ALG9: variants seen among roughly 807,000 people sequenced by gnomAD.
ALG9 encodes the protein ALG9 alpha-1,2-mannosyltransferase, also known as alpha-1,2-mannosyltransferase ALG9.
Under a neutral mutation model 81.8 loss-of-function variants are expected in ALG9, and 55 were observed. That is an observed-to-expected ratio of 0.67 (90% CI 0.54 to 0.84). The LOEUF is 0.84. Ranked by LOEUF, ALG9 falls within the 40% of genes least tolerant of loss-of-function variation. The pLI, the probability that ALG9 is intolerant of heterozygous loss-of-function variation, is 0.00. For missense variants in ALG9, 629 were observed against 745.0 expected (o/e 0.84, Z 1.81); for synonymous variants, 278 against 274.3 (o/e 1.01, Z -0.13).
intron 1 of ALG9, chr11:111,870,814 T>G: frequency 9.9e-7 from 1 of 1,007,916 alleles, no homozygotes; most frequent in African/African-American, 1.7e-5. Context: ...TTCTTTCTTT[T>G]CTTAACAAGG....
intron 13 of ALG9, among the ~76,000 whole-genome samples, chr11:111,821,181 C>T (rs1193994544): frequency 6.6e-6 from 1 of 152,026 alleles, no homozygotes; most frequent in Non-Finnish European, 1.5e-5. Context: ...TATTTTTTTC[C>T]TATAAGGTCC....
chr11:111,780,433 G>A (rs1393190437), downstream of ALG9, among the ~76,000 whole-genome samples: 4 of 147,112 alleles, frequency 2.7e-5, no homozygotes, highest in African/African-American at 5.0e-5. Context: ...GTCTTGCTCC[G>A]TCACCCAGGT....
rs1285072714 is a variant in ALG9, at chr11:111,853,396, A to C, written c.879T>G (p.His293Gln). 3.1e-6 allele frequency: 5 copies of C among 1,613,752 alleles called. 1 individual carries two copies. The South Asian group carries it at 4.4e-5, about 14-fold the overall frequency. Reference protein sequence around the residue: ...NIVLYNVFTPHGPDLYGTEPW... With the variant: ...NIVLYNVFTPQGPDLYGTEPW... ...AAGCCTTACCATAAAGATCAGGTCC[A>C]TGAGGAGTAAAGACATTATACAAAA... The change falls in exon 8 of 15, where the codon CAT becomes CAG. Residue 293 changes from histidine (H) to glutamine (Q), a missense_variant. By Grantham distance (24) the His-to-Gln change is conservative. This residue lies in a region of ALG9 where 344 missense variants were observed against 390.5 expected (regional missense o/e 0.88). Transcript: ENST00000616540.
At chr11:111,837,353 A>T in intron 12 of ALG9, 115 bp downstream of exon 12, 3 of 1,242,742 alleles carry the variant, frequency 2.4e-6, no homozygotes, top group South Asian at 1.3e-5. Context: ...CGTGGTAGAT[A>T]ATTCAATAAC....
chr11:111,863,814 C>T (rs564421189), intron 4 of ALG9, among the ~76,000 whole-genome samples: 1 of 152,224 alleles, frequency 6.6e-6, no homozygotes, highest in South Asian at 2.1e-4. Flanking sequence ...ATCAACTAAG[C>T]TGTAGGGCAG....
chr11:111,831,289 CCTCGGCCTCCCAA>C (rs1454121749), intron 13 of ALG9, among the ~76,000 whole-genome samples: 1 of 152,156 alleles, frequency 6.6e-6, no homozygotes, highest in Non-Finnish European at 1.5e-5. Context: ...GATCCTCCCA[CCTCGGCCTCCCAA>C]AGTGCTGAGA....
At chr11:111,768,868 TATG>T in the ALG9 span, 1 of 152,464 alleles carries the variant, frequency 6.6e-6, no homozygotes, top group Non-Finnish European at 1.5e-5. Flanking sequence ...TGTGTGTGTG[TATG>T]GAGACAGAGT....
chr11:111,787,357 C>T (rs957276969), intron 14 of ALG9, among the ~76,000 whole-genome samples: 5 of 152,004 alleles, frequency 3.3e-5, no homozygotes, highest in Non-Finnish European at 7.4e-5. Context: ...TGCTTGAACC[C>T]GGGAGGTGGA....
intron 11 of ALG9, 28 bp downstream of exon 11, chr11:111,838,221 T>C: frequency 6.2e-7 from 1 of 1,613,304 alleles, no homozygotes; most frequent in Non-Finnish European, 8.5e-7. Flanking sequence ...CTCGTCAGTG[T>C]AGGTTAAGAT....
At chr11:111,772,869 C>G in the ALG9 span, among the ~76,000 whole-genome samples, 1 of 152,128 alleles carries the variant, frequency 6.6e-6, no homozygotes, top group East Asian at 1.9e-4. Context: ...GAGCTTTTAC[C>G]TCTCAGACTT....
intron 14 of ALG9, among the ~76,000 whole-genome samples, chr11:111,790,612 T>C (rs1278893621): frequency 1.3e-5 from 2 of 152,184 alleles, no homozygotes; most frequent in Non-Finnish European, 2.9e-5. Flanking sequence ...ACCAGAAGAT[T>C]TGCATCTAGA....
chr11:111,870,146 CT>C, intron 2 of ALG9, 85 bp downstream of exon 2: 2 of 1,403,686 alleles, frequency 1.4e-6, no homozygotes, highest in South Asian at 2.7e-5. Context: ...AGGAGTCACA[CT>C]TGTATATTAT....
At chr11:111,861,492 TAG>T (rs1960110390) in intron 4 of ALG9, among the ~76,000 whole-genome samples, 1 of 151,966 alleles carries the variant, frequency 6.6e-6, no homozygotes, top group Admixed American at 6.6e-5. Context: ...CACTCCGAGA[TAG>T]AGTCATACTC....
intron 2 of ALG9, among the ~76,000 whole-genome samples, chr11:111,869,925 C>T (rs1181968988): frequency 6.6e-6 from 1 of 152,120 alleles, no homozygotes; most frequent in Non-Finnish European, 1.5e-5. Context: ...ATTTCTCCTG[C>T]CTCAGCCTCC....
At chr11:111,772,424 AAAAG>A in the ALG9 span, among the ~76,000 whole-genome samples, 1 of 152,194 alleles carries the variant, frequency 6.6e-6, no homozygotes, top group Non-Finnish European at 1.5e-5. Flanking sequence ...AGAAAAAAGA[AAAAG>A]AAAGAGGACA....
At chr11:111,863,641 G>T (rs1005761478) in intron 4 of ALG9, among the ~76,000 whole-genome samples, 1 of 152,100 alleles carries the variant, frequency 6.6e-6, no homozygotes, top group Non-Finnish European at 1.5e-5. Context: ...AAAACAAGAC[G>T]TTTGTTAGTT....
intron 1 of ALG9, 98 bp downstream of exon 1, chr11:111,871,254 G>A (rs1964205910): frequency 7.5e-7 from 1 of 1,328,782 alleles, no homozygotes. Context: ...GTGAGGCCAG[G>A]CCGGACTGAG....
At chr11:111,770,906 T>C in the ALG9 span, 4 of 152,138 alleles carry the variant, frequency 2.6e-5, no homozygotes, top group African/African-American at 9.7e-5. Flanking sequence ...TGAGATTAGG[T>C]TGAGGATTTA....
chr11:111,864,053 G>A (rs1961370106), intron 4 of ALG9, among the ~76,000 whole-genome samples: 1 of 152,118 alleles, frequency 6.6e-6, no homozygotes, highest in Non-Finnish European at 1.5e-5. Context: ...TACAGGTGAT[G>A]GGTGCATCAA....
Sources: gnomAD v4.1 joint callset for allele counts (sites outside exome capture counted in the v4.1 genomes callset) on GRCh38, gnomAD v4.1.1 for gene constraint, gnomAD v4.1.1 regional missense constraint, MANE v1.5 for transcripts, NCBI Gene and HGNC (gene_info 2026-07-23, HGNC 2026-07-21) for gene names.